Variants in CDK12 observed in about 807,000 individuals in gnomAD.
CDK12 encodes the protein cyclin dependent kinase 12, also known as cyclin-dependent kinase 12.
CDK12 carries 17 observed loss-of-function variants against 133.8 expected under a neutral mutation model. The observed-to-expected ratio is 0.13, with a 90% CI of 0.09 to 0.19. The LOEUF is 0.19. CDK12 is among the 10% of genes least tolerant of loss of function. The pLI is 1.00. For missense variants in CDK12, 1,508 were observed against 1,818.7 expected (o/e 0.83, Z 3.11); for synonymous variants, 694 against 683.6 (o/e 1.02, Z -0.24).
At chr17:39,529,969 T>C (rs2054726012) in intron 13 of CDK12, 1 of 152,194 alleles carries the variant, frequency 6.6e-6, no homozygotes, top group African/African-American at 2.4e-5. Context: ...AGCTGAATGA[T>C]AATATGGTAG....
rs2048963882 is a variant in CDK12 at position 39,461,565 on chromosome 17, A to C, written c.-507A>C. On this transcript the variant is annotated 5_prime_UTR_variant, in exon 1 of 14. Coordinates refer to ENST00000447079, the MANE Select transcript of CDK12 (RefSeq NM_016507.4). ...TGTGTGTGGTGTGGAGGTGAAACGG[A>C]GGCAAGAAAGGGGGCTACCTCAGGA... is the stretch of plus-strand genomic sequence containing the variant. 4.0e-6 allele frequency: 1 copy of C among 251,382 alleles called. No individual in the cohort carries two copies. The highest frequency in any genetic ancestry group is 2.2e-5 in the African/African-American group (1 of 45,390). 15.6% of individuals were successfully genotyped at this position (251,382 alleles called of 1,614,324 possible).
At position 39,492,807 on chromosome 17, in the gene CDK12, G is replaced by A. The variant is rs2145876205; in HGVS notation, c.2165G>A (p.Arg722His). 1 of 1,613,114 alleles carries A rather than the reference G, an allele frequency of 6.2e-7. No individual in the cohort carries two copies. The highest frequency in any genetic ancestry group is 8.5e-7 in the Non-Finnish European group (1 of 1,179,238). ...RRQTESDWGK[R>H]CVDKFDIIGI... is the part of the protein sequence containing the mutation. ...CAAACAGAAAGCGACTGGGGGAAAC[G>A]CTGTGTGGACAAGTTTGACATTATT... The change falls in exon 4 of 14, where the codon CGC (arginine) becomes CAC (histidine). Residue 722 changes from arginine to histidine, a missense_variant. This residue lies in a region of CDK12 where 74 missense variants were observed against 160.2 expected (regional missense o/e 0.46). Coordinates refer to ENST00000447079, the MANE Select transcript of CDK12 (RefSeq NM_016507.4).
chr17:39,553,049 G>A (rs1308617518), intron 2 of CDK12, among the ~76,000 whole-genome samples: 1 of 152,136 alleles, frequency 6.6e-6, no homozygotes, highest in Non-Finnish European at 1.5e-5. Context: ...AGCCAAGGGT[G>A]CCAGATCTTT....
chr17:39,560,252 A>G (rs1169458537), intron 3 of CDK12, among the ~76,000 whole-genome samples: 1 of 152,258 alleles, frequency 6.6e-6, no homozygotes, highest in African/African-American at 2.4e-5. Flanking sequence ...GGCTATTACA[A>G]ATAAAGCTGC....
rs994739769 is a variant in CDK12 at position 39,461,712 on chromosome 17, G to C, written c.-360G>C. 3 of 327,162 alleles carry C rather than the reference G, an allele frequency of 9.2e-6. No individual in the cohort carries two copies. The highest frequency in any genetic ancestry group is 6.2e-5 in the African/African-American group (3 of 48,490). The allele number at this position is 327,162 out of a possible 1,614,324, so 20.3% of individuals were successfully genotyped here. On this transcript the variant is annotated 5_prime_UTR_variant, in exon 1 of 14. Transcript: ENST00000447079. ...TAGTCCTCGCAGGGCCCCAGAGCTGGAGTCGGCTCCACAGCCCCGGGCCGT... is the reference window on the plus strand; with the variant it reads ...TAGTCCTCGCAGGGCCCCAGAGCTGCAGTCGGCTCCACAGCCCCGGGCCGT...
chr17:39,533,599 C>A lies in CDK12; in HGVS notation c.*2283C>A. On this transcript the variant is annotated 3_prime_UTR_variant, in exon 14 of 14. Coordinates refer to ENST00000447079, the MANE Select transcript of CDK12 (RefSeq NM_016507.4). ...TAATGTTTTTCCCTCCCCTCTCCCA[C>A]CTCTTATTTTTAATTATGCCAAATA... The A allele has an allele frequency of 4.3e-6, 1 of 233,186 alleles. No homozygotes were observed. Among genetic ancestry groups the A allele is most frequent in the Non-Finnish European group, 8.5e-6 (1 of 117,964 alleles). 14.4% of individuals were successfully genotyped at this position (233,186 alleles called of 1,614,324 possible).
intron 1 of CDK12, among the ~76,000 whole-genome samples, chr17:39,468,078 T>G (rs1450696406): frequency 1.3e-5 from 2 of 150,606 alleles, no homozygotes; most frequent in African/African-American, 2.4e-5. Flanking sequence ...GTATTTTTAG[T>G]AGAGCTGGGA....
rs1243237548 is a variant in CDK12 at position 39,524,827 on chromosome 17, C to T, written c.3249C>T (p.Ser1083=). ...GTACTGAGCCTGTGAAGAACAGCAG[C>T]CCAGCACCACCTCAGCCTGCTCCTG... The part of the protein sequence containing the change: ...GTSTEPVKNS[S]PAPPQPAPGK... Residue 1083 remains serine, a synonymous_variant, in exon 12 of 14, where the codon AGC becomes AGT. Transcript: ENST00000447079. The T allele has an allele frequency of 6.2e-7, 1 of 1,614,208 alleles. No individual in the cohort carries two copies. The highest frequency in any genetic ancestry group is 1.3e-5 in the African/African-American group (1 of 75,058).
At position 39,503,377 on chromosome 17, in the gene CDK12, G is replaced by A. The variant is rs114662814; in HGVS notation, c.2609+1938G>A. On this transcript the variant is annotated intron_variant, in intron 6 of 13. Transcript: ENST00000447079. ...CGTGAGCCACTGCGCCCGGCCAAAA[G>A]AGTATTTCTTTATGTTGCTTTCTCT... Among the ~76,000 whole-genome samples, 339 of 152,238 alleles carry A rather than the reference G, an allele frequency of 2.2e-3. 1 individual carries two copies. The highest frequency in any genetic ancestry group is 7.7e-3 in the African/African-American group (322 of 41,556).
intron 6 of CDK12, among the ~76,000 whole-genome samples, chr17:39,502,918 A>G (rs889940334): frequency 3.3e-5 from 5 of 152,146 alleles, no homozygotes; most frequent in Non-Finnish European, 7.4e-5. Flanking sequence ...GGATAGTTAC[A>G]TAGAGCCCAC....
intron 2 of CDK12, among the ~76,000 whole-genome samples, chr17:39,485,734 A>AT (rs1453534189): frequency 4.0e-5 from 6 of 150,788 alleles, no homozygotes; most frequent in African/African-American, 1.5e-4. Context: ...AAAAAAAAAA[A>AT]GCAGCTGTGG....
At position 39,541,429 on chromosome 17, in the gene CDK12, G is replaced by A. The variant is rs960900851; in HGVS notation, c.451-2820G>A. 9.4e-5 allele frequency among the ~76,000 whole-genome samples: 14 copies of A among 149,714 alleles called. 1 individual carries two copies. Among genetic ancestry groups the A allele is most frequent in the African/African-American group, 3.3e-4 (13 of 39,762 alleles). On this transcript the variant is annotated intron_variant and NMD_transcript_variant, in intron 1 of 4. Coordinates refer to the CDK12 transcript ENST00000559663. ...GTCACCCAGGCTGGAGTGCAGTGGC[G>A]CGATCTCGGCTCACTGCAAGCTCCG...
intron 3 of CDK12, among the ~76,000 whole-genome samples, chr17:39,561,781 T>A (rs988582213): frequency 4.6e-5 from 7 of 152,094 alleles, no homozygotes; most frequent in Non-Finnish European, 5.9e-5. Flanking sequence ...CACTTACAGC[T>A]GCAGAATCAG....
Position 39,490,683 on chromosome 17 carries a change from A to G in CDK12, c.2058A>G (p.Pro686=). The change falls in exon 3 of 14, where the codon CCA becomes CCG. Residue 686 remains proline, a synonymous_variant. Coordinates refer to ENST00000447079, the MANE Select transcript of CDK12 (RefSeq NM_016507.4). ...PGGDLSPPDS[P]EPKAITPPQQ... is the part of the protein sequence containing the mutation. ...GAGATCTGTCTCCCCCAGACTCTCC[A>G]GAACCAAAGGCAATCACACCACCTC... is the stretch of plus-strand genomic sequence containing the variant. 3 of 1,613,758 alleles carry G rather than the reference A, an allele frequency of 1.9e-6. No homozygotes were observed. The highest frequency in any genetic ancestry group is 2.5e-6 in the Non-Finnish European group (3 of 1,179,840).
chr17:39,562,656 CAATT>C (rs572112849), intron 3 of CDK12, among the ~76,000 whole-genome samples: 56 of 151,818 alleles, frequency 3.7e-4, no homozygotes, highest in Non-Finnish European at 6.3e-4. Context: ...TTGGCTACAA[CAATT>C]AATTAATGTG....
At position 39,470,919 on chromosome 17, in the gene CDK12, T is replaced by G; in HGVS notation, c.1087T>G (p.Ser363Ala). ...MKSRSRSPAYSRHSSSHSKKK... is the reference protein window; with the variant it reads ...MKSRSRSPAYARHSSSHSKKK... ...GTCCAGAAGTAGAAGTCCTGCATATTCAAGACATTCATCTTCTCATAGTAA... is the reference window on the plus strand; with the variant it reads ...GTCCAGAAGTAGAAGTCCTGCATATGCAAGACATTCATCTTCTCATAGTAA... The change falls in exon 2 of 14, where the codon TCA becomes GCA. Residue 363 changes from serine to alanine, a missense_variant. This residue lies in a region of CDK12 where 460 missense variants were observed against 490.8 expected (regional missense o/e 0.94). Coordinates refer to ENST00000447079, the MANE Select transcript of CDK12 (RefSeq NM_016507.4). 6 of 1,611,334 alleles carry G rather than the reference T, an allele frequency of 3.7e-6. No individual in the cohort carries two copies. Among genetic ancestry groups the G allele is most frequent in the Non-Finnish European group, 4.2e-6 (5 of 1,179,412 alleles).
At chr17:39,538,777 AG>A (rs2055262127), downstream of CDK12, among the ~76,000 whole-genome samples, 1 of 152,204 alleles carries the variant, frequency 6.6e-6, no homozygotes. Flanking sequence ...ACAAGCCTGT[AG>A]TCCCAGCTTC....
downstream of CDK12, among the ~76,000 whole-genome samples, chr17:39,538,904 A>AATAAATACATACATAC (rs778096927): frequency 2.4e-4 from 35 of 144,886 alleles, no homozygotes; most frequent in South Asian, 4.4e-4. Flanking sequence ...ATCTCAAATA[A>AATAAATACATACATAC]ATACATACAT....
intron 2 of CDK12, among the ~76,000 whole-genome samples, chr17:39,476,040 A>G (rs1048560135): frequency 5.3e-5 from 8 of 152,084 alleles, no homozygotes; most frequent in African/African-American, 1.7e-4. Context: ...AGTGGCTAGA[A>G]TATTAATGTG....
Sources: allele counts gnomAD v4.1 joint callset (sites outside exome capture counted in the v4.1 genomes callset), GRCh38; gene constraint gnomAD v4.1.1; regional missense constraint gnomAD v4.1.1; transcripts MANE v1.5; gene names NCBI Gene and HGNC (gene_info 2026-07-23, HGNC 2026-07-21).